Variants in C14orf93 observed in about 807,000 individuals in gnomAD.
C14orf93 encodes the protein chromosome 14 open reading frame 93.
C14orf93 carries 23 observed loss-of-function variants against 44.0 expected under a neutral mutation model. That is an observed-to-expected ratio of 0.52 (90% CI 0.38 to 0.74). The LOEUF is 0.74. C14orf93 is among the 30% of genes least tolerant of loss of function. The pLI is 0.00. For synonymous variants in C14orf93, 253 were observed against 265.7 expected, an observed-to-expected ratio of 0.95 and a Z score of 0.46; for missense variants, 579 against 678.9, an observed-to-expected ratio of 0.85 and a Z score of 1.64.
At position 22,986,703 on chromosome 14, in the gene C14orf93, T is replaced by C. The variant is rs753276062; in HGVS notation, c.*512A>G. Reference sequence around the variant, plus strand: ...AATTCCCCAATAGTGATAGAACTTGTGTTCCCTTGGTCAGAAGACTCAAGC... The same window carrying C: ...AATTCCCCAATAGTGATAGAACTTGCGTTCCCTTGGTCAGAAGACTCAAGC... On this transcript the variant is annotated 3_prime_UTR_variant, in exon 7 of 7. Transcript: ENST00000299088. 1.6e-4 allele frequency: 25 copies of C among 158,848 alleles called. No individual in the cohort carries two copies. Among genetic ancestry groups the C allele is most frequent in the Middle Eastern group, 3.1e-3 (1 of 322 alleles). The allele number at this position is 158,848 out of a possible 1,614,324, so 9.8% of individuals were successfully genotyped here. A position where few individuals can be genotyped will look rare whatever the true frequency, so the allele number is the denominator to read the frequency against.
intron 1 of C14orf93, chr14:23,002,586 T>A (rs1330495714): frequency 4.6e-5 from 7 of 152,226 alleles, no homozygotes; most frequent in Admixed American, 2.0e-4. Context: ...TTTGTGAAGA[T>A]TATACATAAT....
intron 3 of C14orf93, chr14:22,994,190 T>C (rs751968064): frequency 6.6e-6 from 1 of 152,182 alleles, no homozygotes. Flanking sequence ...TATAAACTCA[T>C]TATAGTCAAT....
In C14orf93 at chr14:22,996,531, T is replaced by C. The variant is rs997669159; in HGVS notation, c.598-263A>G. Among the ~76,000 whole-genome samples the C allele has an allele frequency of 6.6e-6, 1 of 152,212 alleles. No homozygotes were observed. Among genetic ancestry groups the C allele is most frequent in the Non-Finnish European group, 1.5e-5 (1 of 68,040 alleles). ...GCATGTTTCTGACACTGTTGGTGAA[T>C]AGTCATTTATGGATAGCTCTTGGAT... is the stretch of plus-strand genomic sequence containing the variant. On this transcript the variant is annotated intron_variant, in intron 2 of 6. Coordinates refer to ENST00000299088, the MANE Select transcript of C14orf93 (RefSeq NM_021944.4). The surrounding 1 kb of genome is among the most constrained non-coding windows in gnomAD (Gnocchi z 4.1).
In C14orf93 at chr14:22,999,209, T is replaced by C; in HGVS notation, c.-186A>G. 1 of 877,588 alleles carries C rather than the reference T, an allele frequency of 1.1e-6. No homozygotes were observed. The highest frequency in any genetic ancestry group is 1.7e-6 in the Non-Finnish European group (1 of 604,744). The allele number at this position is 877,588 out of a possible 1,614,324, so 54.4% of individuals were successfully genotyped here. On this transcript the variant is annotated 5_prime_UTR_variant, in exon 2 of 7. Coordinates refer to ENST00000299088, the MANE Select transcript of C14orf93 (RefSeq NM_021944.4). ...AAGAAGCACACAGTCCATGGCGGCC[T>C]CTCCTCGGCCTGCAGAAGGGAGACA...
At position 22,996,215 on chromosome 14, in the gene C14orf93, A is replaced by T. The variant is rs1199777626; in HGVS notation, c.651T>A (p.Pro217=). 6.2e-7 allele frequency: 1 copy of T among 1,608,324 alleles called. No homozygotes were observed. The highest frequency in any genetic ancestry group is 8.5e-7 in the Non-Finnish European group (1 of 1,176,352). ...CTGGTGAGAGTTGCTTGGCATAAGC[A>T]GGGACCAGAACTCGCTGTACTGCAC... ...SEGAVQRVLV[P]AYAKQLSPAT... The change falls in exon 3 of 7, where the codon CCT becomes CCA. Residue 217 remains proline, a synonymous_variant. Transcript: ENST00000299088. The surrounding 1 kb of genome is among the most constrained non-coding windows in gnomAD (Gnocchi z 4.1).
intron 1 of C14orf93, among the ~76,000 whole-genome samples, chr14:23,003,896 ATATTT>A (rs2046475124): frequency 9.8e-5 from 1 of 10,246 alleles, no homozygotes; most frequent in Non-Finnish European, 1.4e-4. Context: ...ATATATATAT[ATATTT>A]TTTTTTTTTT....
At chr14:23,001,125 C>A (rs1322507035) in intron 1 of C14orf93, 3 of 152,180 alleles carry the variant, frequency 2.0e-5, no homozygotes, top group African/African-American at 7.2e-5. Flanking sequence ...CTTATGTATT[C>A]TTTTCCTTCC....
rs1316142317 is a variant in C14orf93, at chr14:22,985,936, T to G, written c.*1279A>C. 1 of 152,246 alleles carries G rather than the reference T, an allele frequency of 6.6e-6. No individual in the cohort carries two copies. Among genetic ancestry groups the G allele is most frequent in the Non-Finnish European group, 1.5e-5 (1 of 68,046 alleles). 9.4% of individuals were successfully genotyped at this position (152,246 alleles called of 1,614,324 possible). On this transcript the variant is annotated 3_prime_UTR_variant, in exon 7 of 7. Transcript: ENST00000299088. ...TGTAGGCAAAACCTGTCGTTTTATT[T>G]CCCTGCTAAAACAAACTTTCAATGA...
In C14orf93 at chr14:22,989,805, G is replaced by A. The variant is rs1236510167; in HGVS notation, c.1021C>T (p.Leu341=). The A allele has an allele frequency of 6.2e-7, 1 of 1,613,984 alleles. No individual in the cohort carries two copies. Among genetic ancestry groups the A allele is most frequent in the African/African-American group, 1.3e-5 (1 of 74,902 alleles). The change falls in exon 5 of 7, where the codon CTG becomes TTG. Residue 341 remains leucine, a synonymous_variant. Coordinates refer to ENST00000299088, the MANE Select transcript of C14orf93 (RefSeq NM_021944.4). ...SWNISVVKFL[L]EKLKQELVTS... ...ACCAGCTCTTGCTTGAGCTTTTCCAGAAGAAACTTCACTACTGAAATATTC... is the reference window on the plus strand; with the variant it reads ...ACCAGCTCTTGCTTGAGCTTTTCCAAAAGAAACTTCACTACTGAAATATTC...
intron 2 of C14orf93, 76 bp downstream of exon 2, chr14:22,998,351 A>G: frequency 7.0e-7 from 1 of 1,430,260 alleles, no homozygotes. Flanking sequence ...AGATGGAAAG[A>G]AAAGAACAGA....
chr14:23,003,875 TATATATATATA>T (rs2046443939), intron 1 of C14orf93, among the ~76,000 whole-genome samples: 1 of 14,258 alleles, frequency 7.0e-5, no homozygotes, highest in Admixed American at 7.3e-4. Flanking sequence ...TATATATATA[TATATATATATA>T]TATATATATA....
At chr14:22,994,711 G>A (rs2045866890) in intron 3 of C14orf93, among the ~76,000 whole-genome samples, 1 of 151,578 alleles carries the variant, frequency 6.6e-6, no homozygotes, top group Non-Finnish European at 1.5e-5. Flanking sequence ...TGGGCAATGG[G>A]AGTGAGACCC....
chr14:22,987,770 G>T lies in C14orf93; in HGVS notation c.1197+133C>A, dbSNP rs886405587. 2.5e-6 allele frequency: 3 copies of T among 1,210,474 alleles called. No individual in the cohort carries two copies. The highest frequency in any genetic ancestry group is 3.5e-6 in the Non-Finnish European group (3 of 861,498). The allele number at this position is 1,210,474 out of a possible 1,614,324, so 75.0% of individuals were successfully genotyped here. On this transcript the variant is annotated intron_variant, in intron 6 of 6. Coordinates refer to ENST00000299088, the MANE Select transcript of C14orf93 (RefSeq NM_021944.4). The surrounding 1 kb of genome is among the most constrained non-coding windows in gnomAD (Gnocchi z 5.6). ...AGTCCCCAAGTCAGATCTTAGCATT[G>T]GCTCACTGTTCTTCTCTATCTTCCT...
intron 3 of C14orf93, chr14:22,993,856 C>A (rs763274924): frequency 6.6e-6 from 1 of 152,236 alleles, no homozygotes; most frequent in African/African-American, 2.4e-5. Context: ...TGGAGAGATG[C>A]CTCTTTGATT....
intron 1 of C14orf93, among the ~76,000 whole-genome samples, chr14:22,999,784 T>C (rs2046202332): frequency 6.6e-6 from 1 of 152,202 alleles, no homozygotes; most frequent in Non-Finnish European, 1.5e-5. Flanking sequence ...GTAACACTCC[T>C]AAATAAGGAA....
At chr14:23,003,863 TA>T (rs2046436969) in intron 1 of C14orf93, among the ~76,000 whole-genome samples, 1 of 9,966 alleles carries the variant, frequency 1.0e-4, no homozygotes, top group Non-Finnish European at 1.6e-4. Flanking sequence ...TATTCATATA[TA>T]TATATATATA....
chr14:22,992,202 A>G (rs142144986), intron 3 of C14orf93, among the ~76,000 whole-genome samples: 4,401 of 152,168 alleles, frequency 0.029, 84 homozygotes, highest in Middle Eastern at 0.051. Flanking sequence ...GTGGTGGCTC[A>G]TGCCTGTAAT....
intron 3 of C14orf93, among the ~76,000 whole-genome samples, chr14:22,995,378 G>T (rs1195370885): frequency 6.6e-6 from 1 of 152,102 alleles, no homozygotes; most frequent in African/African-American, 2.4e-5. Flanking sequence ...TTCTCATCAG[G>T]ATTATTAGAA....
chr14:23,006,714 C>T (rs1430432794), intron 1 of C14orf93: 1 of 152,242 alleles, frequency 6.6e-6, no homozygotes, highest in Admixed American at 6.5e-5. Context: ...AGGGCAGAAC[C>T]GTTTCCGATG....
Sources: gnomAD v4.1 joint callset for allele counts (sites outside exome capture counted in the v4.1 genomes callset) on GRCh38, gnomAD v4.1.1 for gene constraint, Gnocchi (gnomAD v3.1) non-coding constraint, MANE v1.5 for transcripts, NCBI Gene and HGNC (gene_info 2026-07-23, HGNC 2026-07-21) for gene names.